Variants in MRPL3 observed in about 807,000 individuals in gnomAD.
The protein encoded by MRPL3 is large ribosomal subunit protein uL3m.
Under a neutral mutation model 44.3 loss-of-function variants are expected in MRPL3, and 43 were observed. The observed-to-expected ratio is 0.97, with a 90% confidence interval of 0.76 to 1.25. MRPL3 has a LOEUF of 1.25. Ranked by LOEUF, MRPL3 falls within the 50% of genes most tolerant of loss-of-function variation. The pLI is 0.00. For synonymous variants in MRPL3, 171 were observed against 152.3 expected (o/e 1.12, Z -0.91); for missense variants, 406 against 427.6 (o/e 0.95, Z 0.45).
intron 4 of MRPL3, among the ~76,000 whole-genome samples, chr3:131,494,620 T>C (rs1027958308): frequency 5.5e-4 from 84 of 152,306 alleles, no homozygotes; most frequent in African/African-American, 1.9e-3. Context: ...AAGTAACTTT[T>C]TAGACTAAAC....
chr3:131,465,111 G>GT (rs1208696149), intron 9 of MRPL3, among the ~76,000 whole-genome samples: 2 of 152,290 alleles, frequency 1.3e-5, no homozygotes, highest in African/African-American at 4.8e-5. Flanking sequence ...TTTAAAGGAC[G>GT]TGTTTATTAT....
Position 131,462,583 on chromosome 3 carries a change from T to C in MRPL3, c.*140A>G, listed in dbSNP as rs889081321. On this transcript the variant is annotated 3_prime_UTR_variant, in exon 10 of 10. Coordinates refer to ENST00000264995, the MANE Select transcript of MRPL3 (RefSeq NM_007208.4). The stretch of plus-strand genomic sequence containing the variant: ...CAAAATTTAATGGGGGTATGAATGA[T>C]ATATTTATGCCCTTGACAAAGATGA... 6 of 689,684 alleles carry C rather than the reference T, an allele frequency of 8.7e-6. No individual in the cohort carries two copies. The highest frequency in any genetic ancestry group is 7.3e-5 in the African/African-American group (4 of 54,920). 42.7% of individuals were successfully genotyped at this position (689,684 alleles called of 1,614,324 possible). A position where few individuals can be genotyped will look rare whatever the true frequency, so the allele number is the denominator to read the frequency against.
At chr3:131,477,626 T>C (rs1338948375) in intron 6 of MRPL3, among the ~76,000 whole-genome samples, 1 of 152,232 alleles carries the variant, frequency 6.6e-6, no homozygotes, top group African/African-American at 2.4e-5. Context: ...TTTTTTCATC[T>C]GTTCCTCTCC....
intron 8 of MRPL3, among the ~76,000 whole-genome samples, chr3:131,468,950 G>T (rs967108420): frequency 1.3e-5 from 2 of 151,876 alleles, no homozygotes; most frequent in African/African-American, 4.8e-5. Context: ...TCTTATTGGT[G>T]GCTTATTTTC....
intron 5 of MRPL3, among the ~76,000 whole-genome samples, chr3:131,487,941 G>A (rs139316343): frequency 1.4e-3 from 220 of 152,294 alleles, no homozygotes; most frequent in African/African-American, 5.1e-3. Context: ...CAAAAGTGGT[G>A]CTGTTTGAAA....
intron 6 of MRPL3, 70 bp downstream of exon 6, chr3:131,487,610 C>T: frequency 8.3e-7 from 1 of 1,208,944 alleles, no homozygotes; most frequent in Non-Finnish European, 1.2e-6. Context: ...GACTGTACTT[C>T]TTTCACTTAT....
intron 3 of MRPL3, among the ~76,000 whole-genome samples, chr3:131,498,631 G>A (rs1934425488): frequency 2.0e-5 from 3 of 148,380 alleles, no homozygotes; most frequent in African/African-American, 7.5e-5. Context: ...GAACCCGGGA[G>A]GCGGAGCTTG....
Position 131,494,170 on chromosome 3 carries a change from GAA to G in MRPL3, c.468+4007_468+4008del, listed in dbSNP as rs1934317215. ...AAGAAGCTCTACTTTGATGTCCACT[GAA>G]GACTGTTCTATACCTCACAAGAGTT... is the stretch of plus-strand genomic sequence containing the variant. On this transcript the variant is annotated intron_variant, in intron 4 of 9. Coordinates refer to ENST00000264995, the MANE Select transcript of MRPL3 (RefSeq NM_007208.4). Among the ~76,000 whole-genome samples, 5 of 152,334 alleles carry G rather than the reference GAA, an allele frequency of 3.3e-5. No homozygotes were observed. The South Asian group carries it at 1.0e-3, about 32-fold the overall frequency.
In MRPL3 at chr3:131,502,855, C is replaced by T. The variant is rs768353785; in HGVS notation, c.-34G>A. 7.6e-5 allele frequency: 122 copies of T among 1,595,532 alleles called. No individual in the cohort carries two copies. Among genetic ancestry groups the T allele is most frequent in the Non-Finnish European group, 9.9e-5 (116 of 1,169,032 alleles). ...CCGGGAAGACTCGACTCACGACTTC[C>T]GGGCGCCCTGCCGCTCTGCTTTCAG... On this transcript the variant is annotated 5_prime_UTR_variant, in exon 1 of 10. Coordinates refer to ENST00000264995, the MANE Select transcript of MRPL3 (RefSeq NM_007208.4).
chr3:131,477,656 T>C (rs1406477237), intron 6 of MRPL3, among the ~76,000 whole-genome samples: 1 of 152,228 alleles, frequency 6.6e-6, no homozygotes, highest in African/African-American at 2.4e-5. Flanking sequence ...TCCAATAGAT[T>C]ATTGTGAGGC....
intron 8 of MRPL3, among the ~76,000 whole-genome samples, chr3:131,469,269 A>G (rs373089826): frequency 1.3e-5 from 2 of 150,034 alleles, no homozygotes; most frequent in Admixed American, 6.7e-5. Flanking sequence ...ATATAATCCA[A>G]GAACCTGGTA....
intron 6 of MRPL3, among the ~76,000 whole-genome samples, chr3:131,475,110 G>A (rs994235308): frequency 6.6e-6 from 1 of 151,990 alleles, no homozygotes; most frequent in Admixed American, 6.6e-5. Flanking sequence ...TTAAAATGAA[G>A]ATTTTTCTCA....
chr3:131,498,265 G>A lies in MRPL3; in HGVS notation c.382C>T (p.His128Tyr), dbSNP rs758185514. Residue 128 changes from histidine to tyrosine, a missense_variant, in exon 4 of 10, where the codon CAT becomes TAT. His to Tyr is a moderately conservative substitution (Grantham distance 83). Transcript: ENST00000264995. ...TCCTTTGACGTATATTTTAAGACAT[G>A]ACAGTCTTGTACCTAAAAAAACAAA... Reference protein sequence around the residue: ...VVTLLQVQDCHVLKYTSKENC... With the variant: ...VVTLLQVQDCYVLKYTSKENC... 1 of 1,603,942 alleles carries A rather than the reference G, an allele frequency of 6.2e-7. No homozygotes were observed.
At chr3:131,487,005 T>A (rs1345876881) in intron 6 of MRPL3, 1 of 152,148 alleles carries the variant, frequency 6.6e-6, no homozygotes, top group Admixed American at 6.5e-5. Context: ...CATGCACACA[T>A]ATGTTTATTG....
chr3:131,496,004 C>T (rs953359741), intron 4 of MRPL3, among the ~76,000 whole-genome samples: 5 of 152,204 alleles, frequency 3.3e-5, no homozygotes, highest in Admixed American at 6.5e-5. Context: ...CTTGTTTTCT[C>T]ACTACCTCAT....
intron 8 of MRPL3, among the ~76,000 whole-genome samples, chr3:131,468,872 A>C (rs1323212588): frequency 1.3e-5 from 2 of 152,106 alleles, no homozygotes; most frequent in Non-Finnish European, 2.9e-5. Flanking sequence ...TATATATAAA[A>C]GGTATGCAGA....
At chr3:131,490,863 C>T (rs1934240385) in intron 4 of MRPL3, among the ~76,000 whole-genome samples, 1 of 152,146 alleles carries the variant, frequency 6.6e-6, no homozygotes, top group Admixed American at 6.5e-5. Context: ...TTTTCAAGCA[C>T]CTCACATGAT....
At chr3:131,500,379 A>T (rs1405137589) in intron 3 of MRPL3, 51 bp downstream of exon 3, 2 of 1,452,458 alleles carry the variant, frequency 1.4e-6, no homozygotes, top group African/African-American at 2.8e-5. Context: ...GTTTGCACAA[A>T]CAGATCTTGA....
chr3:131,473,228 G>A (rs1475486363), intron 6 of MRPL3, among the ~76,000 whole-genome samples: 1 of 152,012 alleles, frequency 6.6e-6, no homozygotes, highest in Non-Finnish European at 1.5e-5. Context: ...ACAGAACAAC[G>A]GAACAGAACA....
Sources: gnomAD v4.1 joint callset for allele counts (sites outside exome capture counted in the v4.1 genomes callset) on GRCh38, gnomAD v4.1.1 for gene constraint, MANE v1.5 for transcripts, NCBI Gene and HGNC (gene_info 2026-07-23, HGNC 2026-07-21) for gene names.